The following CCDC178 variants were observed in gnomAD, a reference collection of about 807,000 sequenced individuals.
CCDC178 encodes coiled-coil domain-containing protein 178.
In CCDC178, 126 loss-of-function variants were observed where a neutral mutation model predicts 117.4. The ratio of observed to expected loss-of-function variants is 1.07; its 90% CI spans 0.93 to 1.24. The LOEUF is 1.24. CCDC178 is among the 50% of genes most tolerant of loss of function. CCDC178 has a pLI of 0.00. For synonymous variants in CCDC178, 283 were observed against 313.4 expected (o/e 0.90, Z 1.02); for missense variants, 1,030 against 986.9 (o/e 1.04, Z -0.59).
At chr18:33,269,549 A>C (rs12150734) in intron 12 of CCDC178, among the ~76,000 whole-genome samples, 10,443 of 151,884 alleles carry the variant, frequency 0.069, 557 homozygotes, top group African/African-American at 0.14. Flanking sequence ...TGAACCTAAG[A>C]AAGCACACAG....
intron 20 of CCDC178, among the ~76,000 whole-genome samples, chr18:33,102,879 C>T (rs546407243): frequency 3.3e-5 from 5 of 151,900 alleles, no homozygotes; most frequent in East Asian, 2.0e-4. Flanking sequence ...ATTGGAACAC[C>T]TCATACTCAT....
chr18:33,064,351 T>C (rs1567965569), intron 21 of CCDC178, among the ~76,000 whole-genome samples: 1 of 152,020 alleles, frequency 6.6e-6, no homozygotes, highest in African/African-American at 2.4e-5. Context: ...ACAGATATCG[T>C]AAAAAGAACC....
intron 18 of CCDC178, among the ~76,000 whole-genome samples, chr18:33,220,310 G>C (rs1460762037): frequency 1.3e-5 from 2 of 152,052 alleles, no homozygotes; most frequent in African/African-American, 4.8e-5. Context: ...ACTCACAGTA[G>C]CAATATAATC....
intron 20 of CCDC178, among the ~76,000 whole-genome samples, chr18:33,115,020 T>C (rs2057835626): frequency 6.6e-6 from 1 of 152,068 alleles, no homozygotes; most frequent in African/African-American, 2.4e-5. Context: ...TAAATTCTTC[T>C]CTTGATTACA....
intron 20 of CCDC178, among the ~76,000 whole-genome samples, chr18:33,163,197 T>C (rs1345225492): frequency 6.6e-6 from 1 of 152,160 alleles, no homozygotes; most frequent in African/African-American, 2.4e-5. Context: ...ATATTGAGCG[T>C]TTTTTTCATA....
At chr18:33,396,073 C>G (rs1159384437) in intron 4 of CCDC178, among the ~76,000 whole-genome samples, 1 of 151,910 alleles carries the variant, frequency 6.6e-6, no homozygotes, top group African/African-American at 2.4e-5. Flanking sequence ...AACTAGTATT[C>G]ATATTACACA....
intron 12 of CCDC178, among the ~76,000 whole-genome samples, chr18:33,286,488 T>C (rs1447172686): frequency 1.3e-5 from 2 of 152,206 alleles, no homozygotes; most frequent in Non-Finnish European, 2.9e-5. Context: ...TAACTATTCT[T>C]TCTCTATTTT....
intron 15 of CCDC178, among the ~76,000 whole-genome samples, chr18:33,227,608 A>C (rs2059323093): frequency 6.8e-6 from 1 of 147,856 alleles, no homozygotes; most frequent in African/African-American, 2.5e-5. Context: ...ATAGTTTTGC[A>C]AGGAGGAACA....
intron 6 of CCDC178, among the ~76,000 whole-genome samples, chr18:33,357,004 C>CT (rs78171877): frequency 0.072 from 10,436 of 144,186 alleles, 1,140 homozygotes; most frequent in African/African-American, 0.25. Context: ...AGAACTTTGG[C>CT]TTTTTTTTTT....
chr18:33,139,205 T>A (rs1434407115), intron 20 of CCDC178, among the ~76,000 whole-genome samples: 5 of 152,152 alleles, frequency 3.3e-5, no homozygotes, highest in African/African-American at 4.8e-5. Flanking sequence ...TGTGAGGCCA[T>A]GTGGAAATTA....
chr18:33,268,456 T>C (rs2059846358), intron 12 of CCDC178, among the ~76,000 whole-genome samples: 1 of 151,796 alleles, frequency 6.6e-6, no homozygotes, highest in Non-Finnish European at 1.5e-5. Flanking sequence ...ATCTAACTCA[T>C]ATAATAACAA....
chr18:33,323,055 AT>A (rs1235677010), intron 11 of CCDC178: 1 of 151,620 alleles, frequency 6.6e-6, no homozygotes, highest in Non-Finnish European at 1.5e-5. Flanking sequence ...TAATCTATAT[AT>A]TTAAATATTT....
At chr18:33,107,070 C>A (rs973000783) in intron 20 of CCDC178, among the ~76,000 whole-genome samples, 5 of 151,658 alleles carry the variant, frequency 3.3e-5, no homozygotes, top group Admixed American at 6.6e-5. Flanking sequence ...ACAGCCCTGG[C>A]AACAACTTGA....
intron 5 of CCDC178, among the ~76,000 whole-genome samples, chr18:33,386,379 CAG>C (rs1214943924): frequency 1.3e-5 from 2 of 151,916 alleles, no homozygotes; most frequent in African/African-American, 4.8e-5. Context: ...ATCCTGATAC[CAG>C]AGATACAACA....
chr18:33,204,368 C>G (rs893171297), intron 20 of CCDC178, among the ~76,000 whole-genome samples: 1 of 152,022 alleles, frequency 6.6e-6, no homozygotes, highest in Admixed American at 6.6e-5. Context: ...TTCAGGGTTT[C>G]TCTCAACCAA....
In CCDC178 at chr18:33,426,174, G is replaced by A. The variant is rs182066974; in HGVS notation, c.-23+13788C>T. On this transcript the variant is annotated intron_variant, in intron 2 of 22. Coordinates refer to ENST00000383096, the MANE Select transcript of CCDC178 (RefSeq NM_001105528.4). ...TCCGCCCACCTCAGGTTCCTGAAGT[G>A]CTGGGATTACAGGCGTGAGCCACTG... Among the ~76,000 whole-genome samples, 227 of 152,332 alleles carry A rather than the reference G, an allele frequency of 1.5e-3. 1 individual carries two copies. Among genetic ancestry groups the A allele is most frequent in the African/African-American group, 5.3e-3 (222 of 41,576 alleles).
At chr18:33,126,994 A>AT (rs2058013123) in intron 20 of CCDC178, among the ~76,000 whole-genome samples, 5 of 139,142 alleles carry the variant, frequency 3.6e-5, no homozygotes, top group East Asian at 4.0e-4. Context: ...GTTAAAAAAA[A>AT]AAAATATATA....
chr18:33,383,373 A>C (rs2063459689), intron 5 of CCDC178, among the ~76,000 whole-genome samples: 1 of 152,038 alleles, frequency 6.6e-6, no homozygotes, highest in Non-Finnish European at 1.5e-5. Flanking sequence ...ACTAAGGGAC[A>C]GATGACCCCC....
chr18:33,273,364 A>G (rs187533607), intron 12 of CCDC178, among the ~76,000 whole-genome samples: 77 of 151,780 alleles, frequency 5.1e-4, no homozygotes, highest in African/African-American at 1.8e-3. Context: ...TGAAAATTAC[A>G]ACACATAGTT....
Sources: gnomAD v4.1 joint callset for allele counts (sites outside exome capture counted in the v4.1 genomes callset) on GRCh38, gnomAD v4.1.1 for gene constraint, MANE v1.5 for transcripts, NCBI Gene and HGNC (gene_info 2026-07-23, HGNC 2026-07-21) for gene names.